Variants in LAMA3 observed in about 807,000 individuals in gnomAD.
LAMA3 encodes the protein laminin subunit alpha-3.
Under a neutral mutation model 402.0 loss-of-function variants are expected in LAMA3, and 281 were observed. That is an observed-to-expected ratio of 0.70 (90% CI 0.63 to 0.77). The LOEUF (loss-of-function observed/expected upper bound fraction) is 0.77. Ranked by LOEUF, LAMA3 falls within the 30% of genes least tolerant of loss-of-function variation. The pLI is 0.00. For synonymous variants in LAMA3, 1,431 were observed against 1,558.4 expected, an observed-to-expected ratio of 0.92 and a Z score of 1.93; for missense variants, 3,840 against 4,215.5, an observed-to-expected ratio of 0.91 and a Z score of 2.47.
At chr18:23,840,063 G>T (rs2063664533) in intron 27 of LAMA3, 134 bp downstream of exon 27, 5 of 937,430 alleles carry the variant, frequency 5.3e-6, no homozygotes, top group Non-Finnish European at 8.4e-6. Flanking sequence ...AAGCTCTGGG[G>T]GTGGGCCCAG....
chr18:23,777,714 T>A (rs1228282869), intron 11 of LAMA3, 95 bp downstream of exon 11: 2 of 950,070 alleles, frequency 2.1e-6, no homozygotes, highest in Non-Finnish European at 3.5e-6. Context: ...CAAGGCCAAG[T>A]CTCCCTTCCT....
intron 2 of LAMA3, among the ~76,000 whole-genome samples, chr18:23,743,494 C>G (rs1468792575): frequency 6.6e-6 from 1 of 152,148 alleles, no homozygotes; most frequent in Non-Finnish European, 1.5e-5. Context: ...CTATTACATG[C>G]AGTCAGTCCA....
intron 44 of LAMA3, among the ~76,000 whole-genome samples, chr18:23,897,606 G>T (rs151042957): frequency 3.3e-5 from 5 of 152,286 alleles, no homozygotes; most frequent in Non-Finnish European, 7.4e-5. Context: ...TAGAATCATG[G>T]TGGTTCTGGA....
intron 59 of LAMA3, among the ~76,000 whole-genome samples, chr18:23,915,870 A>G (rs1266690475): frequency 6.6e-6 from 1 of 151,674 alleles, no homozygotes; most frequent in Non-Finnish European, 1.5e-5. Context: ...GCCGAGTGTG[A>G]TGGTGTGTGC....
intron 68 of LAMA3, 43 bp downstream of exon 68, chr18:23,939,429 ACT>A (rs762032523): frequency 1.0e-5 from 16 of 1,597,418 alleles, no homozygotes; most frequent in Admixed American, 3.3e-5. Flanking sequence ...TCAGAACCTG[ACT>A]CTGCGATTCC....
intron 12 of LAMA3, among the ~76,000 whole-genome samples, chr18:23,807,126 A>C (rs2062977641): frequency 6.6e-6 from 1 of 152,176 alleles, no homozygotes; most frequent in African/African-American, 2.4e-5. Flanking sequence ...TTCTAAATCT[A>C]GTCATTTAGA....
At chr18:23,858,905 C>T in intron 34 of LAMA3, 76 bp downstream of exon 34, 2 of 1,430,586 alleles carry the variant, frequency 1.4e-6, no homozygotes, top group Non-Finnish European at 2.0e-6. Flanking sequence ...CCTCGCTGCT[C>T]CTTGGCCTGC....
chr18:23,847,649 C>A lies in LAMA3; in HGVS notation c.4117C>A (p.Arg1373=), dbSNP rs200328917. 5.6e-6 allele frequency: 9 copies of A among 1,613,584 alleles called. No homozygotes were observed. Among genetic ancestry groups the A allele is most frequent in the Non-Finnish European group, 7.6e-6 (9 of 1,179,934 alleles). ...TIEAAMPECD[R]DSGQCRCKPR... is the part of the protein sequence containing the mutation. ...CGAGGCTGCCATGCCGGAGTGTGAC[C>A]GGGACAGCGGGCAGTGCAGGTGAGC... The change falls in exon 32 of 75, where the codon CGG becomes AGG. Residue 1373 remains arginine, a synonymous_variant. Coordinates refer to ENST00000313654, the MANE Select transcript of LAMA3 (RefSeq NM_198129.4).
chr18:23,937,882 T>C (rs1299241037), intron 67 of LAMA3, among the ~76,000 whole-genome samples: 1 of 152,138 alleles, frequency 6.6e-6, no homozygotes, highest in East Asian at 1.9e-4. Context: ...AGGAAATGGG[T>C]CAGGGAAGAA....
At chr18:23,773,662 T>C (rs1198961064) in intron 9 of LAMA3, 75 bp downstream of exon 9, 5 of 931,642 alleles carry the variant, frequency 5.4e-6, no homozygotes, top group Non-Finnish European at 8.6e-6. Context: ...TAACTTTGGA[T>C]CAGTTAATAA....
At chr18:23,869,432 G>A (rs924451908) in intron 37 of LAMA3, among the ~76,000 whole-genome samples, 4 of 152,102 alleles carry the variant, frequency 2.6e-5, no homozygotes, top group Non-Finnish European at 5.9e-5. Context: ...TGACACAAGG[G>A]TTCTTCTTAA....
chr18:23,954,205 C>T (rs993636083), intron 74 of LAMA3, among the ~76,000 whole-genome samples: 1 of 151,898 alleles, frequency 6.6e-6, no homozygotes, highest in African/African-American at 2.4e-5. Context: ...AGTTCAAGAC[C>T]AGCCTGGGCA....
At chr18:23,715,894 A>C (rs1286068098) in intron 2 of LAMA3, among the ~76,000 whole-genome samples, 1 of 152,168 alleles carries the variant, frequency 6.6e-6, no homozygotes, top group African/African-American at 2.4e-5. Context: ...TCTTAGAATG[A>C]ATGTGTTCTT....
At chr18:23,946,067 G>A (rs2082699108) in intron 69 of LAMA3, 77 bp from the exon 70 acceptor site, 1 of 1,385,444 alleles carries the variant, frequency 7.2e-7, no homozygotes. Flanking sequence ...TTTTAATTTG[G>A]CCACTAATAT....
chr18:23,789,827 A>G (rs913549154), intron 12 of LAMA3, among the ~76,000 whole-genome samples: 1 of 152,216 alleles, frequency 6.6e-6, no homozygotes. Flanking sequence ...TGGTATATGA[A>G]TTTTATCTCA....
At chr18:23,776,494 G>A (rs2062322058) in intron 10 of LAMA3, among the ~76,000 whole-genome samples, 1 of 152,236 alleles carries the variant, frequency 6.6e-6, no homozygotes, top group South Asian at 2.1e-4. Flanking sequence ...TGTTGGCTCT[G>A]TTTGTTGTGC....
chr18:23,763,447 C>T lies in LAMA3; in HGVS notation c.1106C>T (p.Pro369Leu). The change falls in exon 8 of 75, where the codon CCA (proline) becomes CTA (leucine). Residue 369 changes from proline to leucine, a missense_variant. Around this residue, in one of 3 missense-constraint regions of LAMA3, gnomAD observed 2,109 missense variants for 2,376.0 expected, o/e 0.89. Coordinates refer to ENST00000313654, the MANE Select transcript of LAMA3 (RefSeq NM_198129.4). The part of the protein sequence containing the change: ...HGHASNCYYD[P>L]DVERQQASLN... ...CATGCCAGCAACTGTTACTATGATC[C>T]AGATGTTGAGCGGCAGCAGGCAAGC... 6.2e-7 allele frequency: 1 copy of T among 1,614,006 alleles called. No individual in the cohort carries two copies. The highest frequency in any genetic ancestry group is 1.3e-5 in the African/African-American group (1 of 75,004).
chr18:23,940,378 C>T (rs532857133), intron 68 of LAMA3, among the ~76,000 whole-genome samples: 1 of 152,202 alleles, frequency 6.6e-6, no homozygotes, highest in Admixed American at 6.5e-5. Flanking sequence ...CTCTAATACC[C>T]CCGAGTGTCA....
intron 5 of LAMA3, among the ~76,000 whole-genome samples, chr18:23,752,647 A>G (rs1169725042): frequency 6.6e-6 from 1 of 152,170 alleles, no homozygotes; most frequent in Non-Finnish European, 1.5e-5. Context: ...CTTGTCACAG[A>G]AAGCCCTGGT....
Sources: gnomAD v4.1 joint callset for allele counts (sites outside exome capture counted in the v4.1 genomes callset) on GRCh38, gnomAD v4.1.1 for gene constraint, gnomAD v4.1.1 regional missense constraint, MANE v1.5 for transcripts, NCBI Gene and HGNC (gene_info 2026-07-23, HGNC 2026-07-21) for gene names.